TSC22D1: variants seen among roughly 807,000 people sequenced by gnomAD.
The protein encoded by TSC22D1 is TSC22 domain family protein 1.
In TSC22D1, 9 loss-of-function variants were observed where a neutral mutation model predicts 74.2. That is an observed-to-expected ratio of 0.12 (90% confidence interval 0.07 to 0.21). TSC22D1 has a LOEUF of 0.21. Among genes scored for constraint, TSC22D1 ranks in the 10% least tolerant of loss-of-function variants. TSC22D1 has a pLI of 1.00. For synonymous variants in TSC22D1, 586 were observed against 492.5 expected, an observed-to-expected ratio of 1.19 and a Z score of -2.51; for missense variants, 1,427 against 1,304.7, an observed-to-expected ratio of 1.09 and a Z score of -1.44.
At chr13:44,552,707 G>C (rs1428580425) in intron 1 of TSC22D1, among the ~76,000 whole-genome samples, 1 of 152,198 alleles carries the variant, frequency 6.6e-6, no homozygotes, top group African/African-American at 2.4e-5. Context: ...TAAGGTGGTA[G>C]GCCGGGCGTG....
intron 1 of TSC22D1, among the ~76,000 whole-genome samples, chr13:44,528,890 GGCA>G (rs1287317531): frequency 5.9e-5 from 9 of 151,894 alleles, no homozygotes; most frequent in Non-Finnish European, 1.3e-4. Flanking sequence ...AGATGAAATG[GGCA>G]AATTCCTTGA....
chr13:44,520,919 A>T (rs1053862068), intron 1 of TSC22D1, among the ~76,000 whole-genome samples: 1 of 152,188 alleles, frequency 6.6e-6, no homozygotes, highest in African/African-American at 2.4e-5. Context: ...GGCACATAGT[A>T]AATGCTTTAC....
intron 1 of TSC22D1, among the ~76,000 whole-genome samples, chr13:44,565,198 A>G (rs1018499984): frequency 2.0e-5 from 3 of 152,302 alleles, no homozygotes; most frequent in African/African-American, 7.2e-5. Context: ...ATGGGAACCA[A>G]TGATTACCTA....
At chr13:44,534,668 T>C (rs973287304) in intron 1 of TSC22D1, among the ~76,000 whole-genome samples, 1 of 152,258 alleles carries the variant, frequency 6.6e-6, no homozygotes, top group Middle Eastern at 3.4e-3. Context: ...CAGGCAACAA[T>C]ATTATTTCTT....
intron 1 of TSC22D1, among the ~76,000 whole-genome samples, chr13:44,463,990 G>A (rs1877132216): frequency 6.6e-6 from 1 of 152,144 alleles, no homozygotes; most frequent in Non-Finnish European, 1.5e-5. Flanking sequence ...GCTGTCTTAG[G>A]ATGGATCTTC....
intron 1 of TSC22D1, among the ~76,000 whole-genome samples, chr13:44,472,926 AAAAG>A (rs1470456276): frequency 2.0e-5 from 3 of 152,216 alleles, no homozygotes; most frequent in Admixed American, 6.5e-5. Flanking sequence ...GGCAATTTAA[AAAAG>A]AAAGAGATTT....
At chr13:44,501,027 A>G (rs1879200045) in intron 1 of TSC22D1, among the ~76,000 whole-genome samples, 1 of 152,118 alleles carries the variant, frequency 6.6e-6, no homozygotes, top group African/African-American at 2.4e-5. Flanking sequence ...TGGCTCCTTC[A>G]TGTGCCAGAG....
At position 44,532,055 on chromosome 13, in the gene TSC22D1, C is replaced by T. The variant is rs1190374882; in HGVS notation, c.2912+41108G>A. On this transcript the variant is annotated intron_variant, in intron 1 of 2. Transcript: ENST00000458659. Reference sequence around the variant, plus strand: ...TTAGTAAATACAACCCGAAAAATAACATTTTATGTTTACACAATTTAATAT... The same window carrying T: ...TTAGTAAATACAACCCGAAAAATAATATTTTATGTTTACACAATTTAATAT... Among the ~76,000 whole-genome samples the T allele has an allele frequency of 2.0e-5, 3 of 152,094 alleles. No homozygotes were observed. In the East Asian group the frequency reaches 5.8e-4, roughly 29 times the overall value.
intron 1 of TSC22D1, among the ~76,000 whole-genome samples, chr13:44,531,347 G>A (rs571406314): frequency 1.1e-4 from 17 of 152,218 alleles, no homozygotes; most frequent in Middle Eastern, 3.4e-3. Flanking sequence ...GAAATTCTGA[G>A]AATATGCAAA....
At chr13:44,487,237 G>A (rs1471776027) in intron 1 of TSC22D1, among the ~76,000 whole-genome samples, 2 of 151,832 alleles carry the variant, frequency 1.3e-5, no homozygotes, top group Non-Finnish European at 2.9e-5. Context: ...GGTGGCTCAC[G>A]CCTGTAATCC....
intron 1 of TSC22D1, among the ~76,000 whole-genome samples, chr13:44,516,678 T>A (rs1265734409): frequency 2.0e-5 from 3 of 152,200 alleles, no homozygotes. Flanking sequence ...AGACATTTTT[T>A]AAAGTACCCC....
At chr13:44,570,996 G>T (rs532388577) in intron 1 of TSC22D1, among the ~76,000 whole-genome samples, 1 of 152,224 alleles carries the variant, frequency 6.6e-6, no homozygotes, top group East Asian at 1.9e-4. Context: ...ATCTTACAAG[G>T]TGTTTTAGGG....
In TSC22D1 at chr13:44,574,023, A is replaced by T. The variant is rs747868597; in HGVS notation, c.2052T>A (p.Ile684=). The T allele has an allele frequency of 1.9e-6, 3 of 1,614,048 alleles. No homozygotes were observed. Among genetic ancestry groups the T allele is most frequent in the Non-Finnish European group, 2.5e-6 (3 of 1,180,032 alleles). Residue 684 remains isoleucine, a synonymous_variant, in exon 1 of 3, where the codon ATT becomes ATA. Coordinates refer to ENST00000458659, the MANE Select transcript of TSC22D1 (RefSeq NM_183422.4). ...SAGVGAGTTV[I]PVAQPQGIQL... ...GGATACCCTGTGGCTGAGCCACAGG[A>T]ATCACTGTTGTTCCTGCTCCTACTC...
chr13:44,575,459 G>C lies in TSC22D1; in HGVS notation c.616C>G (p.Gln206Glu). ...LPQPHLPHLP[Q>E]QNVVINGNAH... ...TTCCCATTGATCACAACATTCTGTTGTGGAAGGTGAGGCAAATGAGGCTGA... is the reference window on the plus strand; with the variant it reads ...TTCCCATTGATCACAACATTCTGTTCTGGAAGGTGAGGCAAATGAGGCTGA... Residue 206 changes from glutamine to glutamate, a missense_variant, in exon 1 of 3, where the codon CAA becomes GAA. Gln to Glu is a conservative substitution (Grantham distance 29). Coordinates refer to ENST00000458659, the MANE Select transcript of TSC22D1 (RefSeq NM_183422.4). 6.2e-7 allele frequency: 1 copy of C among 1,614,160 alleles called. No individual in the cohort carries two copies. The highest frequency in any genetic ancestry group is 1.3e-5 in the African/African-American group (1 of 75,030).
chr13:44,498,395 A>G lies in TSC22D1; in HGVS notation c.2913-62300T>C, dbSNP rs116485460. Among the ~76,000 whole-genome samples the G allele has an allele frequency of 5.0e-3, 758 of 152,326 alleles. 5 individuals are homozygous for G. The highest frequency in any genetic ancestry group is 0.017 in the African/African-American group (709 of 41,570). On this transcript the variant is annotated intron_variant, in intron 1 of 2. Transcript: ENST00000458659. ...ACTTCTGCCTGGGATACTCTTTCCC[A>G]AGTGAGCAACTTCCCTAAAAATTCA...
intron 2 of TSC22D1, chr13:44,435,837 C>A: frequency 1.7e-6 from 1 of 605,640 alleles, no homozygotes; most frequent in East Asian, 2.9e-5. Flanking sequence ...GGAAGAAGAC[C>A]ATTTAATACC....
chr13:44,464,880 A>G (rs1258362062), intron 1 of TSC22D1, among the ~76,000 whole-genome samples: 1 of 152,206 alleles, frequency 6.6e-6, no homozygotes, highest in African/African-American at 2.4e-5. Context: ...TCTGTGTTAT[A>G]TCAGCACCTG....
chr13:44,457,985 A>G (rs1027997549), intron 1 of TSC22D1, among the ~76,000 whole-genome samples: 4 of 152,258 alleles, frequency 2.6e-5, no homozygotes, highest in African/African-American at 9.6e-5. Context: ...GGACAGAATT[A>G]GAAAACTAAG....
At chr13:44,526,019 T>C (rs1165072083) in intron 1 of TSC22D1, among the ~76,000 whole-genome samples, 2 of 152,094 alleles carry the variant, frequency 1.3e-5, no homozygotes, top group African/African-American at 4.8e-5. Context: ...GGAGAATCTC[T>C]TGAGACCGGG....
Sources: allele counts gnomAD v4.1 joint callset (sites outside exome capture counted in the v4.1 genomes callset), GRCh38; gene constraint gnomAD v4.1.1; transcripts MANE v1.5; gene names NCBI Gene and HGNC (gene_info 2026-07-23, HGNC 2026-07-21).